The following FOXO3 variants were observed in gnomAD, a reference collection of about 807,000 sequenced individuals.
FOXO3 encodes the protein forkhead box O3, also known as forkhead box protein O3.
A neutral mutation model predicts 41.9 loss-of-function variants in FOXO3; 4 were observed. The observed-to-expected ratio is 0.10, with a 90% CI of 0.05 to 0.22. The LOEUF is 0.22. FOXO3 is among the 10% of genes least tolerant of loss of function. The probability of loss-of-function intolerance (pLI) is 1.00; values close to 1 mark genes in which losing one functional copy is unlikely to be tolerated. For missense variants in FOXO3, 534 were observed against 906.8 expected, an observed-to-expected ratio of 0.59 and a Z score of 5.28; for synonymous variants, 318 against 389.3, an observed-to-expected ratio of 0.82 and a Z score of 2.16.
chr6:108,665,736 G>C (rs890723677), intron 2 of FOXO3, among the ~76,000 whole-genome samples: 1 of 149,580 alleles, frequency 6.7e-6, no homozygotes, highest in Non-Finnish European at 1.5e-5. Flanking sequence ...TTGTGCCCAG[G>C]AGTTTGAGGC....
At chr6:108,575,191 A>AATC (rs1180910322) in intron 1 of FOXO3, among the ~76,000 whole-genome samples, 1 of 152,230 alleles carries the variant, frequency 6.6e-6, no homozygotes, top group Admixed American at 6.5e-5. Flanking sequence ...AGGTAATTCC[A>AATC]ATCACAAAAC....
chr6:108,613,953 TG>T (rs1318334610), intron 1 of FOXO3, among the ~76,000 whole-genome samples: 1 of 152,198 alleles, frequency 6.6e-6, no homozygotes, highest in Non-Finnish European at 1.5e-5. Flanking sequence ...CTATTTTACC[TG>T]TAATTACTTT....
At chr6:108,672,958 A>G (rs3800227) in intron 2 of FOXO3, among the ~76,000 whole-genome samples, 88,419 of 151,970 alleles carry the variant, frequency 0.58, 29,424 homozygotes, top group Non-Finnish European at 0.73. Flanking sequence ...AAGTCCAAGA[A>G]TTCTGAGGTC....
At chr6:108,679,020 C>T (rs529113940) in intron 2 of FOXO3, among the ~76,000 whole-genome samples, 3 of 151,660 alleles carry the variant, frequency 2.0e-5, no homozygotes, top group East Asian at 1.9e-4. Flanking sequence ...TACAGGTGCC[C>T]GCCACCGCGC....
intron 1 of FOXO3, among the ~76,000 whole-genome samples, chr6:108,659,830 A>G (rs961093586): frequency 2.0e-5 from 3 of 152,212 alleles, no homozygotes; most frequent in Admixed American, 6.5e-5. Context: ...AACTATACGC[A>G]TACGTTGTTG....
intron 1 of FOXO3, among the ~76,000 whole-genome samples, chr6:108,660,125 C>T (rs746804421): frequency 1.3e-5 from 2 of 152,032 alleles, no homozygotes; most frequent in South Asian, 2.1e-4. Context: ...CATTTAGCCT[C>T]GGGACCTCCG....
rs567008987 is a variant in FOXO3 at position 108,590,728 on chromosome 6, G to T, written c.621+28899G>T. On this transcript the variant is annotated intron_variant, in intron 1 of 2. Transcript: ENST00000406360. ...AAGTACTTATTTAGAGTTTACAATGGCCAAGAATTAGGAATGAAGAATTGA... is the reference window on the plus strand; with the variant it reads ...AAGTACTTATTTAGAGTTTACAATGTCCAAGAATTAGGAATGAAGAATTGA... Among the ~76,000 whole-genome samples the T allele has an allele frequency of 1.1e-4, 16 of 152,290 alleles. No individual in the cohort carries two copies. In the South Asian group the frequency reaches 3.3e-3, roughly 32 times the overall value.
intron 1 of FOXO3, among the ~76,000 whole-genome samples, chr6:108,627,573 G>A (rs1010992586): frequency 6.6e-6 from 1 of 152,146 alleles, no homozygotes; most frequent in Non-Finnish European, 1.5e-5. Context: ...TTTTGCAGTA[G>A]AGCTCAGTGA....
chr6:108,618,459 C>T (rs1777576243), intron 1 of FOXO3, among the ~76,000 whole-genome samples: 2 of 152,300 alleles, frequency 1.3e-5, no homozygotes, highest in East Asian at 1.9e-4. Flanking sequence ...TTTTCAAAAG[C>T]GCTAGACTTT....
At chr6:108,678,725 G>C (rs1435189748) in intron 2 of FOXO3, among the ~76,000 whole-genome samples, 1 of 151,726 alleles carries the variant, frequency 6.6e-6, no homozygotes, top group African/African-American at 2.4e-5. Context: ...CTCCAAATTT[G>C]TAATACAAAA....
intron 1 of FOXO3, among the ~76,000 whole-genome samples, chr6:108,640,691 A>G (rs1199725934): frequency 1.3e-5 from 2 of 152,188 alleles, no homozygotes; most frequent in Non-Finnish European, 2.9e-5. Flanking sequence ...TAATAGATAG[A>G]AAATTTGGGT....
rs1284629335 is a variant in FOXO3, at chr6:108,561,757, C to T, written c.549C>T (p.Ile183=). Residue 183 remains isoleucine, a synonymous_variant, in exon 1 of 3, where the codon ATC becomes ATT. Transcript: ENST00000406360. ...SPDKRLTLSQ[I]YEWMVRCVPY... is the part of the protein sequence containing the mutation. ...ACAAACGGCTCACTCTGTCCCAGAT[C>T]TACGAGTGGATGGTGCGTTGCGTGC... is the stretch of plus-strand genomic sequence containing the variant. The T allele has an allele frequency of 1.0e-5, 16 of 1,605,650 alleles. 1 individual carries two copies. The Middle Eastern group carries it at 8.3e-4, about 83-fold the overall frequency.
At chr6:108,643,084 T>C (rs1582808259) in intron 1 of FOXO3, among the ~76,000 whole-genome samples, 1 of 152,342 alleles carries the variant, frequency 6.6e-6, no homozygotes, top group South Asian at 2.1e-4. Flanking sequence ...TACTTCCAAA[T>C]CCAAAGAGAC....
At chr6:108,588,310 T>C (rs1411868826) in intron 1 of FOXO3, among the ~76,000 whole-genome samples, 8 of 152,204 alleles carry the variant, frequency 5.3e-5, no homozygotes, top group Admixed American at 5.2e-4. Flanking sequence ...TTGATTTGCA[T>C]AGACCATTGA....
intron 2 of FOXO3, among the ~76,000 whole-genome samples, chr6:108,668,756 C>T (rs997283877): frequency 1.3e-5 from 2 of 152,136 alleles, no homozygotes; most frequent in East Asian, 1.9e-4. Flanking sequence ...ATCACTCAAT[C>T]TTGTAGAATA....
chr6:108,634,485 C>A (rs1183963809), intron 1 of FOXO3, among the ~76,000 whole-genome samples: 1 of 152,180 alleles, frequency 6.6e-6, no homozygotes, highest in African/African-American at 2.4e-5. Flanking sequence ...GCTGGCATTC[C>A]TCTTTGCCTG....
chr6:108,663,014 G>A (rs1778915498), intron 1 of FOXO3, among the ~76,000 whole-genome samples: 2 of 152,180 alleles, frequency 1.3e-5, no homozygotes, highest in South Asian at 4.1e-4. Context: ...AGAGGGTCAT[G>A]CATATATGTG....
chr6:108,678,763 C>T (rs111945362), intron 2 of FOXO3, among the ~76,000 whole-genome samples: 3,238 of 150,710 alleles, frequency 0.021, 115 homozygotes, highest in African/African-American at 0.072. Flanking sequence ...GGTGCATTGG[C>T]GTGCCTGTAG....
At chr6:108,616,864 A>G (rs780077093) in intron 1 of FOXO3, among the ~76,000 whole-genome samples, 1 of 152,220 alleles carries the variant, frequency 6.6e-6, no homozygotes, top group Non-Finnish European at 1.5e-5. Flanking sequence ...TGGACATTTC[A>G]TATCAATGGA....
Sources: allele counts gnomAD v4.1 joint callset (sites outside exome capture counted in the v4.1 genomes callset), GRCh38; gene constraint gnomAD v4.1.1; transcripts MANE v1.5; gene names NCBI Gene and HGNC (gene_info 2026-07-23, HGNC 2026-07-21).